SMCO2: variants seen among roughly 807,000 people sequenced by gnomAD.
SMCO2 encodes single-pass membrane protein with coiled-coil domains 2.
A neutral mutation model predicts 29.5 loss-of-function variants in SMCO2; 25 were observed. The observed-to-expected ratio is 0.85, with a 90% CI of 0.62 to 1.18. SMCO2 has a LOEUF of 1.18. Among genes scored for constraint, SMCO2 ranks in the 50% most tolerant of loss-of-function variants. SMCO2 has a pLI of 0.00. For missense variants in SMCO2, 348 were observed against 344.5 expected, an observed-to-expected ratio of 1.01 and a Z score of -0.08; for synonymous variants, 117 against 123.3, an observed-to-expected ratio of 0.95 and a Z score of 0.34.
At chr12:27,489,198 G>T (rs184818188) in intron 5 of SMCO2, among the ~76,000 whole-genome samples, 30 of 152,192 alleles carry the variant, frequency 2.0e-4, no homozygotes, top group Middle Eastern at 3.4e-3. Flanking sequence ...ACGGGTGTGT[G>T]CCACCATGTC....
Position 27,473,002 on chromosome 12 carries a change from C to A in SMCO2, c.234+127C>A, listed in dbSNP as rs1949554381. ...GGGTTTTCTTCTAATTGGTGCAGAACTTCAAAGCTTGAAATCAGGAGGGAG... is the reference window on the plus strand; with the variant it reads ...GGGTTTTCTTCTAATTGGTGCAGAAATTCAAAGCTTGAAATCAGGAGGGAG... On this transcript the variant is annotated intron_variant, in intron 3 of 7. Transcript: ENST00000298876. 14 of 696,724 alleles carry A rather than the reference C, an allele frequency of 2.0e-5. 1 individual carries two copies. The South Asian group carries it at 2.5e-4, about 12-fold the overall frequency. 43.2% of individuals were successfully genotyped at this position (696,724 alleles called of 1,614,324 possible).
chr12:27,475,015 A>G lies in SMCO2; in HGVS notation c.362+102A>G. ...GGAAAGTCTGGAAGATTTAAAATCCATACATGTCTTGAACCATAAAGCAGT... is the reference window on the plus strand; with the variant it reads ...GGAAAGTCTGGAAGATTTAAAATCCGTACATGTCTTGAACCATAAAGCAGT... On this transcript the variant is annotated intron_variant, in intron 4 of 7. Coordinates refer to ENST00000298876, the Ensembl canonical transcript of SMCO2. The G allele has an allele frequency of 5.8e-6, 8 of 1,386,724 alleles. No homozygotes were observed. The South Asian group carries it at 9.9e-5, about 17-fold the overall frequency. The allele number at this position is 1,386,724 out of a possible 1,614,324, so 85.9% of individuals were successfully genotyped here. A position where few individuals can be genotyped will look rare whatever the true frequency, so the allele number is the denominator to read the frequency against.
chr12:27,464,893 G>A (rs1949486090), upstream of SMCO2, among the ~76,000 whole-genome samples: 1 of 151,006 alleles, frequency 6.6e-6, no homozygotes, highest in African/African-American at 2.4e-5. Flanking sequence ...GCCGGGCATG[G>A]TGGCGGGTGC....
At chr12:27,497,201 CA>C (rs1943017428) in intron 7 of SMCO2, 1 of 153,718 alleles carries the variant, frequency 6.5e-6, no homozygotes, top group Non-Finnish European at 1.5e-5. Context: ...ATATCAGTGT[CA>C]CATTCTGTTC....
intron 4 of SMCO2, among the ~76,000 whole-genome samples, chr12:27,484,123 G>A (rs147718520): frequency 1.3e-5 from 2 of 152,270 alleles, no homozygotes; most frequent in East Asian, 1.9e-4. Context: ...AGGCATGGTG[G>A]CTCACACCTG....
upstream of SMCO2, among the ~76,000 whole-genome samples, chr12:27,466,442 T>C (rs1353976499): frequency 1.3e-5 from 2 of 152,040 alleles, no homozygotes; most frequent in South Asian, 2.1e-4. Flanking sequence ...AAAAGGAAGA[T>C]CAAATGCTTG....
chr12:27,482,250 A>G (rs1214867764), intron 4 of SMCO2, among the ~76,000 whole-genome samples: 3 of 151,680 alleles, frequency 2.0e-5, no homozygotes, highest in Non-Finnish European at 4.4e-5. Context: ...GTCCCTTTTG[A>G]TCTCTCCTTT....
exon 7 of SMCO2, chr12:27,495,853 A>G (rs306646): frequency 0.13 from 189,758 of 1,485,640 alleles, 23,370 homozygotes; most frequent in African/African-American, 0.44. Flanking sequence ...GCAATACAGC[A>G]TGGTAAGTCA....
chr12:27,444,896 T>C, the SMCO2 span, among the ~76,000 whole-genome samples: 1 of 152,236 alleles, frequency 6.6e-6, no homozygotes, highest in Non-Finnish European at 1.5e-5. Context: ...CCCGTGTTTA[T>C]TGCAGCACTA....
chr12:27,481,955 T>C (rs1304416040), intron 4 of SMCO2, among the ~76,000 whole-genome samples: 3 of 152,074 alleles, frequency 2.0e-5, no homozygotes, highest in African/African-American at 7.2e-5. Context: ...TTTGATTTCA[T>C]TGGGTTTTTT....
chr12:27,495,959 T>A (rs1414396531), intron 7 of SMCO2, 104 bp downstream of exon 8: 1 of 1,164,908 alleles, frequency 8.6e-7, no homozygotes, highest in Admixed American at 3.2e-5. Flanking sequence ...TGTTTTGTTT[T>A]ATTTTCGTTT....
the SMCO2 span, among the ~76,000 whole-genome samples, chr12:27,436,853 C>T: frequency 6.6e-6 from 1 of 152,142 alleles, no homozygotes; most frequent in African/African-American, 2.4e-5. Flanking sequence ...ATTTATGAAG[C>T]CAGTTGTCTT....
chr12:27,473,072 A>G lies in SMCO2; in HGVS notation c.234+197A>G, dbSNP rs1313056965. The G allele has an allele frequency of 3.0e-5, 15 of 506,260 alleles. No homozygotes were observed. In the South Asian group the frequency reaches 4.0e-4, roughly 14 times the overall value. The allele number at this position is 506,260 out of a possible 1,614,324, so 31.4% of individuals were successfully genotyped here. The stretch of plus-strand genomic sequence containing the variant: ...TCCCACTGGATGCTGCTGTTACCAC[A>G]TGAAGGACTTACTAGCCTTCCCATG... On this transcript the variant is annotated intron_variant, in intron 3 of 7. Transcript: ENST00000298876.
At chr12:27,475,774 T>A in intron 4 of SMCO2, 43 bp downstream of exon 5, 1 of 1,397,532 alleles carries the variant, frequency 7.2e-7, no homozygotes, top group Non-Finnish European at 9.3e-7. Context: ...TAGCAGAAAG[T>A]TTCATAGCTT....
chr12:27,438,308 TC>T, the SMCO2 span, among the ~76,000 whole-genome samples: 1 of 152,188 alleles, frequency 6.6e-6, no homozygotes, highest in Non-Finnish European at 1.5e-5. Context: ...TGTGGTTTCA[TC>T]CACTCCTATA....
chr12:27,482,068 T>C (rs1462106837), intron 4 of SMCO2, among the ~76,000 whole-genome samples: 1 of 152,148 alleles, frequency 6.6e-6, no homozygotes, highest in African/African-American at 2.4e-5. Flanking sequence ...TGCTATCCTC[T>C]TTCTAATTTC....
chr12:27,453,887 A>T, the SMCO2 span, among the ~76,000 whole-genome samples: 1 of 152,252 alleles, frequency 6.6e-6, no homozygotes, highest in Non-Finnish European at 1.5e-5. Context: ...AACTGCAGGT[A>T]AGCAACAAGA....
chr12:27,443,460 C>T, the SMCO2 span, among the ~76,000 whole-genome samples: 1 of 152,168 alleles, frequency 6.6e-6, no homozygotes, highest in Admixed American at 6.5e-5. Context: ...TGGAACCACA[C>T]AAGGATGTCC....
chr12:27,466,732 C>T (rs1169314254), upstream of SMCO2: 2 of 152,348 alleles, frequency 1.3e-5, no homozygotes, highest in East Asian at 3.8e-4. Flanking sequence ...CACTGCACAC[C>T]TAGAATCTTG....
Sources: gnomAD v4.1 joint callset for allele counts (sites outside exome capture counted in the v4.1 genomes callset) on GRCh38, gnomAD v4.1.1 for gene constraint, MANE v1.5 for transcripts, NCBI Gene and HGNC (gene_info 2026-07-23, HGNC 2026-07-21) for gene names.